Variants in TMEM132D observed in about 807,000 individuals in gnomAD.
TMEM132D encodes mature OL transmembrane protein.
A neutral mutation model predicts 62.3 loss-of-function variants in TMEM132D; 21 were observed. That is an observed-to-expected ratio of 0.34 (90% CI 0.24 to 0.49). The LOEUF (loss-of-function observed/expected upper bound fraction) is 0.49, where lower values mean the gene tolerates loss of function less well. Among genes scored for constraint, TMEM132D ranks in the 20% least tolerant of loss-of-function variants. The probability of loss-of-function intolerance (pLI) is 0.99; values close to 1 mark genes in which losing one functional copy is unlikely to be tolerated. For synonymous variants in TMEM132D, 621 were observed against 575.6 expected, an observed-to-expected ratio of 1.08 and a Z score of -1.13; for missense variants, 1,346 against 1,402.8, an observed-to-expected ratio of 0.96 and a Z score of 0.65.
chr12:129,654,599 A>G (rs987684643), intron 2 of TMEM132D, among the ~76,000 whole-genome samples: 1 of 152,176 alleles, frequency 6.6e-6, no homozygotes, highest in Non-Finnish European at 1.5e-5. Context: ...AGATATCAGA[A>G]TGAGAAGCCC....
intron 5 of TMEM132D, among the ~76,000 whole-genome samples, chr12:129,182,994 C>T (rs1878110251): frequency 6.6e-6 from 1 of 152,154 alleles, no homozygotes; most frequent in African/African-American, 2.4e-5. Flanking sequence ...TGAGGCTTCT[C>T]TCTCTCTCTC....
At chr12:129,218,594 T>C (rs1879272256) in intron 4 of TMEM132D, among the ~76,000 whole-genome samples, 1 of 152,260 alleles carries the variant, frequency 6.6e-6, no homozygotes, top group South Asian at 2.1e-4. Flanking sequence ...AGTTCATTGT[T>C]GACCGAAATG....
chr12:129,339,409 C>T (rs909311026), intron 3 of TMEM132D, among the ~76,000 whole-genome samples: 9 of 12,570 alleles, frequency 7.2e-4, no homozygotes, highest in Non-Finnish European at 1.2e-3. Flanking sequence ...TTCCATGGAA[C>T]GGGGTAGCTG....
At chr12:129,863,794 G>T (rs529890959) in intron 1 of TMEM132D, among the ~76,000 whole-genome samples, 9 of 151,862 alleles carry the variant, frequency 5.9e-5, no homozygotes, top group African/African-American at 1.5e-4. Flanking sequence ...TGTTTTTTTG[G>T]GGGGGGCAGG....
chr12:129,884,654 C>T (rs1874696899), intron 1 of TMEM132D, among the ~76,000 whole-genome samples: 1 of 152,226 alleles, frequency 6.6e-6, no homozygotes, highest in Non-Finnish European at 1.5e-5. Context: ...TGGAACCTTA[C>T]ACATTGCTGG....
At position 129,223,898 on chromosome 12, in the gene TMEM132D, GCTTTCTCAGA is replaced by G. The variant is rs112525276; in HGVS notation, c.1300-14245_1300-14236del. Among the ~76,000 whole-genome samples, 104 of 152,274 alleles carry G rather than the reference GCTTTCTCAGA, an allele frequency of 6.8e-4. 1 individual carries two copies. The highest frequency in any genetic ancestry group is 2.4e-3 in the African/African-American group (101 of 41,552). On this transcript the variant is annotated intron_variant, in intron 4 of 8. Coordinates refer to ENST00000422113, the MANE Select transcript of TMEM132D (RefSeq NM_133448.3). ...ACAAATATTGTTCACTGTGGAGCAG[GCTTTCTCAGA>G]CTTGACACTATTGATATTTTGGGCT...
At chr12:129,855,044 A>G (rs896210417) in intron 1 of TMEM132D, 1 of 152,816 alleles carries the variant, frequency 6.5e-6, no homozygotes, top group African/African-American at 2.4e-5. Flanking sequence ...GGAGAGCCCT[A>G]TGCAAGACAA....
intron 1 of TMEM132D, among the ~76,000 whole-genome samples, chr12:129,872,730 G>C (rs1874289289): frequency 6.6e-6 from 1 of 152,174 alleles, no homozygotes; most frequent in Admixed American, 6.5e-5. Flanking sequence ...ACCGACGTAA[G>C]CTCCAAGGTT....
At chr12:129,887,233 C>T (rs937116961) in intron 1 of TMEM132D, among the ~76,000 whole-genome samples, 1 of 152,148 alleles carries the variant, frequency 6.6e-6, no homozygotes, top group Non-Finnish European at 1.5e-5. Context: ...CCCGCCCCTC[C>T]CTGTCTACCG....
intron 1 of TMEM132D, among the ~76,000 whole-genome samples, chr12:129,744,146 C>T (rs1334182106): frequency 2.0e-5 from 3 of 152,130 alleles, no homozygotes; most frequent in African/African-American, 4.8e-5. Context: ...GACAGCAGCT[C>T]CTGTCTCATG....
chr12:129,513,999 G>C (rs1355389340), intron 3 of TMEM132D, among the ~76,000 whole-genome samples: 1 of 149,284 alleles, frequency 6.7e-6, no homozygotes, highest in Non-Finnish European at 1.5e-5. Flanking sequence ...CACCACGCCT[G>C]GCTAATTTTT....
chr12:129,161,715 G>A (rs1255397454), intron 5 of TMEM132D, among the ~76,000 whole-genome samples: 1 of 152,146 alleles, frequency 6.6e-6, no homozygotes, highest in African/African-American at 2.4e-5. Context: ...AGTAGCCACA[G>A]GCCCCCTGGA....
At chr12:129,405,266 G>C (rs936321628) in intron 3 of TMEM132D, among the ~76,000 whole-genome samples, 2 of 151,724 alleles carry the variant, frequency 1.3e-5, no homozygotes, top group African/African-American at 4.8e-5. Flanking sequence ...CTTTCACAGG[G>C]GAGACAGACA....
At chr12:129,223,237 T>A (rs1482555921) in intron 4 of TMEM132D, among the ~76,000 whole-genome samples, 2 of 151,620 alleles carry the variant, frequency 1.3e-5, no homozygotes, top group African/African-American at 4.8e-5. Context: ...GTAGCAAGCA[T>A]CACTTCCTCT....
At chr12:129,160,598 T>G (rs1172334751) in intron 5 of TMEM132D, among the ~76,000 whole-genome samples, 1 of 152,216 alleles carries the variant, frequency 6.6e-6, no homozygotes, top group Non-Finnish European at 1.5e-5. Context: ...TTTGAACCCA[T>G]GTACCCAGCC....
chr12:129,903,186 C>T lies in TMEM132D; in HGVS notation c.79+75G>A, dbSNP rs866136147. The T allele has an allele frequency of 2.0e-6, 3 of 1,473,354 alleles. No homozygotes were observed. The highest frequency in any genetic ancestry group is 1.7e-4 in the Middle Eastern group (1 of 5,836). The allele number at this position is 1,473,354 out of a possible 1,614,324, so 91.3% of individuals were successfully genotyped here. On this transcript the variant is annotated intron_variant, in intron 1 of 8. Transcript: ENST00000422113. The surrounding 1 kb of genome is among the most constrained non-coding windows in gnomAD (Gnocchi z 6.2). ...ACGAGCCCTCTCTCCCGGCCGCCCC[C>T]ATCCTCCACACACTCCCACACACTC...
At chr12:129,260,545 G>A (rs1469203686) in intron 4 of TMEM132D, among the ~76,000 whole-genome samples, 3 of 152,134 alleles carry the variant, frequency 2.0e-5, no homozygotes, top group Non-Finnish European at 4.4e-5. Context: ...GTTTTTTAGG[G>A]TACAGGTGGT....
intron 2 of TMEM132D, among the ~76,000 whole-genome samples, chr12:129,649,942 G>T (rs1202988410): frequency 6.6e-6 from 1 of 151,948 alleles, no homozygotes; most frequent in Non-Finnish European, 1.5e-5. Flanking sequence ...ATGTATGTGT[G>T]TGTGTGTGTA....
intron 3 of TMEM132D, among the ~76,000 whole-genome samples, chr12:129,339,333 G>T (rs1392890034): frequency 6.6e-6 from 1 of 151,746 alleles, no homozygotes; most frequent in Non-Finnish European, 1.5e-5. Flanking sequence ...AAAGAAAGAG[G>T]AGGGGAAGGA....
Sources: allele counts gnomAD v4.1 joint callset (sites outside exome capture counted in the v4.1 genomes callset), GRCh38; gene constraint gnomAD v4.1.1; non-coding constraint Gnocchi (gnomAD v3.1); transcripts MANE v1.5; gene names NCBI Gene and HGNC (gene_info 2026-07-23, HGNC 2026-07-21).